GNAZ: variants seen among roughly 807,000 people sequenced by gnomAD.
The protein encoded by GNAZ is G protein subunit alpha z, also known as guanine nucleotide-binding protein G(z) subunit alpha.
In GNAZ, 3 loss-of-function variants were observed where a neutral mutation model predicts 25.4. The observed-to-expected ratio is 0.12, with a 90% CI of 0.05 to 0.30. The LOEUF (loss-of-function observed/expected upper bound fraction) is 0.30, where lower values mean the gene tolerates loss of function less well. Among genes scored for constraint, GNAZ ranks in the 10% least tolerant of loss-of-function variants. The probability of loss-of-function intolerance (pLI) is 1.00; values close to 1 mark genes in which losing one functional copy is unlikely to be tolerated. For synonymous variants in GNAZ, 211 were observed against 205.7 expected (o/e 1.03, Z -0.22); for missense variants, 241 against 501.8 (o/e 0.48, Z 4.97).
chr22:23,107,872 A>G (rs2069529178), intron 2 of GNAZ, among the ~76,000 whole-genome samples: 1 of 152,186 alleles, frequency 6.6e-6, no homozygotes, highest in Admixed American at 6.5e-5. Context: ...CCATTGACCG[A>G]CGAAGCCACA....
Position 23,096,126 on chromosome 22 carries a change from C to G in GNAZ, c.431C>G (p.Ser144Cys). 3.1e-6 allele frequency: 5 copies of G among 1,612,112 alleles called. No individual in the cohort carries two copies. The highest frequency in any genetic ancestry group is 3.4e-6 in the Non-Finnish European group (4 of 1,180,000). ...GGGGCACAGGCCTGCTTCAGCCGCT[C>G]CAGCGAGTACCACCTGGAGGACAAC... ...DPGAQACFSRSSEYHLEDNAA... is the reference protein window; with the variant it reads ...DPGAQACFSRCSEYHLEDNAA... The change falls in exon 2 of 3, where the codon TCC becomes TGC. Residue 144 changes from serine to cysteine, a missense_variant. Transcript: ENST00000615612.
At chr22:23,081,470 T>G (rs2068675564) in intron 1 of GNAZ, among the ~76,000 whole-genome samples, 1 of 152,182 alleles carries the variant, frequency 6.6e-6, no homozygotes, top group Non-Finnish European at 1.5e-5. Flanking sequence ...CAGGTTTGAT[T>G]GCAACTTTTA....
rs1234684162 is a variant in GNAZ, at chr22:23,096,243, C to T, written c.548C>T (p.Thr183Met). Residue 183 changes from threonine to methionine, a missense_variant, in exon 2 of 3, where the codon ACG becomes ATG. Transcript: ENST00000615612. ...EDILRSRDMT[T>M]GIVENKFTFK... ...ATCCTGCGCTCCCGGGACATGACCACGGGCATTGTGGAGAACAAGTTCACC... is the reference window on the plus strand; with the variant it reads ...ATCCTGCGCTCCCGGGACATGACCATGGGCATTGTGGAGAACAAGTTCACC... 4 of 1,613,948 alleles carry T rather than the reference C, an allele frequency of 2.5e-6. No homozygotes were observed. The highest frequency in any genetic ancestry group is 3.4e-6 in the Non-Finnish European group (4 of 1,180,008).
At chr22:23,090,411 C>A (rs560637841) in intron 1 of GNAZ, among the ~76,000 whole-genome samples, 2 of 152,300 alleles carry the variant, frequency 1.3e-5, no homozygotes, top group East Asian at 3.9e-4. Context: ...CCCCTTTTAT[C>A]ACCTGGATGT....
intron 2 of GNAZ, among the ~76,000 whole-genome samples, chr22:23,103,737 A>C (rs1231937164): frequency 6.6e-6 from 1 of 152,220 alleles, no homozygotes; most frequent in East Asian, 1.9e-4. Flanking sequence ...TTGTTCACCC[A>C]GTATGTGTGG....
At chr22:23,120,865 C>T (rs966767523) in intron 2 of GNAZ, among the ~76,000 whole-genome samples, 1 of 152,166 alleles carries the variant, frequency 6.6e-6, no homozygotes, top group African/African-American at 2.4e-5. Flanking sequence ...AGTGTTTGCT[C>T]AGTAAATTAA....
chr22:23,084,836 A>G (rs2146283822), intron 1 of GNAZ, among the ~76,000 whole-genome samples: 1 of 152,314 alleles, frequency 6.6e-6, no homozygotes, highest in Middle Eastern at 3.4e-3. Context: ...GTGGGCGTGG[A>G]CACCAACCCT....
intron 2 of GNAZ, among the ~76,000 whole-genome samples, chr22:23,109,320 TG>T (rs1324397630): frequency 1.3e-5 from 2 of 151,412 alleles, no homozygotes; most frequent in Non-Finnish European, 2.9e-5. Context: ...GAGGCCAGGG[TG>T]GGCCTGCCCT....
chr22:23,103,649 A>G (rs1410079744), intron 2 of GNAZ, among the ~76,000 whole-genome samples: 2 of 152,200 alleles, frequency 1.3e-5, no homozygotes, highest in East Asian at 3.8e-4. Flanking sequence ...ATTGGCTAAC[A>G]CGAGACCACA....
intron 2 of GNAZ, among the ~76,000 whole-genome samples, chr22:23,111,846 C>T (rs926012402): frequency 2.0e-5 from 3 of 152,194 alleles, no homozygotes; most frequent in South Asian, 2.1e-4. Context: ...CCTCAGATCC[C>T]GGTGGCAGTG....
At chr22:23,096,564 T>C (rs1300473773) in intron 2 of GNAZ, 146 bp downstream of exon 2, 1 of 820,714 alleles carries the variant, frequency 1.2e-6, no homozygotes, top group African/African-American at 1.7e-5. Flanking sequence ...CTGAGGCAGC[T>C]CCAGCAAGGT....
chr22:23,107,010 A>G (rs1402314686), intron 2 of GNAZ, among the ~76,000 whole-genome samples: 1 of 152,272 alleles, frequency 6.6e-6, no homozygotes, highest in Non-Finnish European at 1.5e-5. Flanking sequence ...TGCGGAAGGC[A>G]GGGAGCAGCA....
At position 23,095,376 on chromosome 22, in the gene GNAZ, G is replaced by A. The variant is rs1172847398; in HGVS notation, c.-320G>A. ...AACCAGCAACCAGACGGCAGCAGCC[G>A]AGGCAAACACAAGCGGACGGCTTCC... On this transcript the variant is annotated 5_prime_UTR_variant, in exon 2 of 3. Coordinates refer to ENST00000615612, the MANE Select transcript of GNAZ (RefSeq NM_002073.4). The A allele has an allele frequency of 9.2e-6, 3 of 324,662 alleles. No homozygotes were observed. Among genetic ancestry groups the A allele is most frequent in the Non-Finnish European group, 1.1e-5 (2 of 174,342 alleles). The allele number at this position is 324,662 out of a possible 1,614,324, so 20.1% of individuals were successfully genotyped here.
At chr22:23,077,767 C>T (rs963875795) in intron 1 of GNAZ, among the ~76,000 whole-genome samples, 14 of 152,184 alleles carry the variant, frequency 9.2e-5, no homozygotes, top group African/African-American at 3.4e-4. Flanking sequence ...CCAAGAGGGG[C>T]CTTCTGAAGA....
At chr22:23,101,255 A>G (rs1198021369) in intron 2 of GNAZ, among the ~76,000 whole-genome samples, 1 of 151,970 alleles carries the variant, frequency 6.6e-6, no homozygotes, top group Non-Finnish European at 1.5e-5. Context: ...CAGGGCTGAG[A>G]CTCTGGCTCT....
chr22:23,073,754 G>A (rs1279939228), intron 1 of GNAZ, among the ~76,000 whole-genome samples: 1 of 152,216 alleles, frequency 6.6e-6, no homozygotes, highest in Non-Finnish European at 1.5e-5. Flanking sequence ...CATTTGTTCA[G>A]CTAACATTTA....
rs1015113335 is a variant in GNAZ, at chr22:23,071,346, A to G, written c.-450+776A>G. 3.3e-5 allele frequency among the ~76,000 whole-genome samples: 5 copies of G among 152,170 alleles called. No individual in the cohort carries two copies. Among genetic ancestry groups the G allele is most frequent in the African/African-American group, 9.6e-5 (4 of 41,532 alleles). On this transcript the variant is annotated intron_variant, in intron 1 of 2. Coordinates refer to ENST00000615612, the MANE Select transcript of GNAZ (RefSeq NM_002073.4). The surrounding 1 kb of genome is among the most constrained non-coding windows in gnomAD (Gnocchi z 4.1). Reference sequence around the variant, plus strand: ...TGGCAGGATTCGGCCTAGGCCGAGAATGGGGGCTCCTGTTAACTGAGACAA... The same window carrying G: ...TGGCAGGATTCGGCCTAGGCCGAGAGTGGGGGCTCCTGTTAACTGAGACAA...
chr22:23,087,097 G>A (rs958860325), intron 1 of GNAZ, among the ~76,000 whole-genome samples: 16 of 152,326 alleles, frequency 1.1e-4, no homozygotes, highest in South Asian at 2.1e-4. Flanking sequence ...CCAGACCTTC[G>A]GTTTCTAAAA....
intron 2 of GNAZ, among the ~76,000 whole-genome samples, chr22:23,104,904 AG>A (rs1167676140): frequency 6.6e-6 from 1 of 152,184 alleles, no homozygotes; most frequent in Non-Finnish European, 1.5e-5. Context: ...TGGGCATCTC[AG>A]GGGGGACACC....
Sources: allele counts gnomAD v4.1 joint callset (sites outside exome capture counted in the v4.1 genomes callset), GRCh38; gene constraint gnomAD v4.1.1; non-coding constraint Gnocchi (gnomAD v3.1); transcripts MANE v1.5; gene names NCBI Gene and HGNC (gene_info 2026-07-23, HGNC 2026-07-21).